The following SLCO1B1 variants were observed in gnomAD, a reference collection of about 807,000 sequenced individuals.
SLCO1B1 encodes the protein solute carrier organic anion transporter family member 1B1, also known as OATP-2.
Under a neutral mutation model 70.1 loss-of-function variants are expected in SLCO1B1, and 81 were observed. The ratio of observed to expected loss-of-function variants is 1.16; its 90% CI spans 0.97 to 1.39. The LOEUF (loss-of-function observed/expected upper bound fraction) is 1.39, where lower values mean the gene tolerates loss of function less well. Among genes scored for constraint, SLCO1B1 ranks in the 40% most tolerant of loss-of-function variants. SLCO1B1 has a pLI of 0.00. For missense variants in SLCO1B1, 895 were observed against 799.6 expected (o/e 1.12, Z -1.44); for synonymous variants, 283 against 271.5 (o/e 1.04, Z -0.42).
intron 2 of SLCO1B1, among the ~76,000 whole-genome samples, chr12:21,159,619 T>C (rs1486924040): frequency 6.6e-6 from 1 of 152,200 alleles, no homozygotes; most frequent in Non-Finnish European, 1.5e-5. Context: ...TTTGGCATTA[T>C]TTGCTGTGAG....
At chr12:21,186,253 G>A (rs1174175030) in intron 7 of SLCO1B1, among the ~76,000 whole-genome samples, 2 of 152,010 alleles carry the variant, frequency 1.3e-5, no homozygotes, top group Non-Finnish European at 2.9e-5. Flanking sequence ...TACTATTAAA[G>A]CATAACTTTA....
intron 1 of SLCO1B1, among the ~76,000 whole-genome samples, chr12:21,137,098 G>C (rs112946638): frequency 3.0e-4 from 46 of 152,300 alleles, no homozygotes; most frequent in African/African-American, 1.1e-3. Context: ...GAGGTCCACT[G>C]CAGACCCTGT....
rs537683212 is a variant in SLCO1B1 at position 21,211,769 on chromosome 12, A to T, written c.1498-5350A>T. Among the ~76,000 whole-genome samples the T allele has an allele frequency of 3.3e-5, 5 of 152,294 alleles. No homozygotes were observed. In the South Asian group the frequency reaches 1.0e-3, roughly 32 times the overall value. Reference sequence around the variant, plus strand: ...TTATTGGTCTATTCAGAGATTCAACATCTTCCTGATTTAGTCTTCGGAGAG... The same window carrying T: ...TTATTGGTCTATTCAGAGATTCAACTTCTTCCTGATTTAGTCTTCGGAGAG... On this transcript the variant is annotated intron_variant, in intron 11 of 14. Transcript: ENST00000256958.
At chr12:21,136,993 G>C (rs552144093) in intron 1 of SLCO1B1, among the ~76,000 whole-genome samples, 1 of 152,034 alleles carries the variant, frequency 6.6e-6, no homozygotes, top group African/African-American at 2.4e-5. Flanking sequence ...TGATGGTGAC[G>C]TACAGATGGG....
At chr12:21,172,857 A>G in intron 3 of SLCO1B1, 66 bp downstream of exon 3, 1 of 1,421,966 alleles carries the variant, frequency 7.0e-7, no homozygotes, top group Non-Finnish European at 9.7e-7. Context: ...GCTTTACACC[A>G]CTGGTTATCA....
chr12:21,226,064 C>CA (rs1211155053), intron 14 of SLCO1B1, among the ~76,000 whole-genome samples: 2 of 152,126 alleles, frequency 1.3e-5, no homozygotes, highest in African/African-American at 4.8e-5. Context: ...CCTATCAACT[C>CA]ACAAAAAGAC....
intron 2 of SLCO1B1, among the ~76,000 whole-genome samples, 194 bp from the exon 3 acceptor site, chr12:21,172,456 T>C (rs1940767414): frequency 6.6e-6 from 1 of 152,244 alleles, no homozygotes; most frequent in African/African-American, 2.4e-5. Context: ...GAAATGATGC[T>C]TTATCAGTGT....
Position 21,196,952 on chromosome 12 carries a change from T to G in SLCO1B1, c.734T>G (p.Ile245Ser), listed in dbSNP as rs879810743. 4 of 1,613,450 alleles carry G rather than the reference T, an allele frequency of 2.5e-6. No homozygotes were observed. The highest frequency in any genetic ancestry group is 3.4e-6 in the Non-Finnish European group (4 of 1,179,524). The change falls in exon 8 of 15, where the codon ATC (isoleucine) becomes AGC (serine). Residue 245 changes from isoleucine (I) to serine (S), a missense_variant. By Grantham distance (142) the Ile-to-Ser change is moderately radical. Coordinates refer to ENST00000256958, the MANE Select transcript of SLCO1B1 (RefSeq NM_006446.5). ...CTATAATTATTTATTCTAGGCACTA[T>G]CAGGATAACTCCTACTGATTCTCGA... The part of the protein sequence containing the change: ...VDIGYVDLST[I>S]RITPTDSRWV...
chr12:21,139,563 C>A (rs576027201), intron 1 of SLCO1B1, among the ~76,000 whole-genome samples: 1 of 152,186 alleles, frequency 6.6e-6, no homozygotes, highest in South Asian at 2.1e-4. Flanking sequence ...CAGAATCCAT[C>A]AGCCCTTGTT....
chr12:21,135,201 G>C (rs192353622), intron 1 of SLCO1B1, among the ~76,000 whole-genome samples: 1 of 151,902 alleles, frequency 6.6e-6, no homozygotes, highest in East Asian at 1.9e-4. Context: ...CTGAGAAACA[G>C]TTTGTTATAA....
intron 2 of SLCO1B1, chr12:21,164,874 T>C (rs1940665576): frequency 2.1e-6 from 1 of 479,672 alleles, no homozygotes; most frequent in African/African-American, 2.0e-5. Flanking sequence ...ATGGCAATTA[T>C]AAAACTCAAT....
chr12:21,207,917 G>A (rs1349575045), intron 11 of SLCO1B1, among the ~76,000 whole-genome samples: 2 of 151,846 alleles, frequency 1.3e-5, no homozygotes, highest in Non-Finnish European at 2.9e-5. Flanking sequence ...ATTTTTATGT[G>A]TTTGTTAGCT....
At chr12:21,133,148 T>G (rs940456981) in intron 1 of SLCO1B1, among the ~76,000 whole-genome samples, 61 of 152,196 alleles carry the variant, frequency 4.0e-4, no homozygotes, top group Non-Finnish European at 7.5e-4. Flanking sequence ...GTTGTAGATA[T>G]GCGGCACTAT....
chr12:21,203,804 G>A (rs1160961395), intron 10 of SLCO1B1, among the ~76,000 whole-genome samples: 21 of 151,856 alleles, frequency 1.4e-4, no homozygotes, highest in Admixed American at 1.4e-3. Flanking sequence ...CTTTATTATT[G>A]AAGAGTCAGA....
chr12:21,236,921 A>T (rs2900479), intron 14 of SLCO1B1, among the ~76,000 whole-genome samples: 59,861 of 151,678 alleles, frequency 0.39, 12,491 homozygotes, highest in East Asian at 0.73. Flanking sequence ...CTATACATCT[A>T]TAAGTAGATC....
In SLCO1B1 at chr12:21,206,011, C is replaced by A. The variant is rs761120153; in HGVS notation, c.1475C>A (p.Ser492Ter). The change falls in exon 11 of 15, where the codon TCA becomes TAA. Residue 492 changes from serine (S) to a stop codon, truncating the protein, a stop_gained. Coordinates refer to ENST00000256958, the MANE Select transcript of SLCO1B1 (RefSeq NM_006446.5). LOFTEE classifies it high-confidence loss of function. ...ISPCLAGCKSSSGNKKPIVFY... is the reference protein window; with the variant it reads ...ISPCLAGCKS ...CCCTGTCTAGCAGGTTGCAAATCTT[C>A]AAGTGGCAATAAAAAGCCTATAGTG... The A allele has an allele frequency of 6.2e-7, 1 of 1,611,958 alleles. No homozygotes were observed. Among genetic ancestry groups the A allele is most frequent in the South Asian group, 1.1e-5 (1 of 91,040 alleles).
chr12:21,136,709 G>C (rs1196398946), intron 1 of SLCO1B1, among the ~76,000 whole-genome samples: 2 of 151,968 alleles, frequency 1.3e-5, no homozygotes, highest in Non-Finnish European at 1.5e-5. Flanking sequence ...TCTCTGCATT[G>C]GTTATTCTAG....
chr12:21,230,323 C>CTT (rs745494878), intron 14 of SLCO1B1, among the ~76,000 whole-genome samples: 881 of 70,124 alleles, frequency 0.013, 16 homozygotes, highest in East Asian at 0.025. Context: ...CTGTAGTATT[C>CTT]TTTTTTTTTT....
chr12:21,165,913 A>G (rs1396076124), intron 2 of SLCO1B1, among the ~76,000 whole-genome samples: 1 of 152,168 alleles, frequency 6.6e-6, no homozygotes, highest in Non-Finnish European at 1.5e-5. Context: ...GAACTGACTT[A>G]GACAAAAGTT....
Sources: allele counts gnomAD v4.1 joint callset (sites outside exome capture counted in the v4.1 genomes callset), GRCh38; gene constraint gnomAD v4.1.1; transcripts MANE v1.5; gene names NCBI Gene and HGNC (gene_info 2026-07-23, HGNC 2026-07-21).